The following TLN2 variants were observed in gnomAD, a reference collection of about 807,000 sequenced individuals.
TLN2 encodes talin-2.
A neutral mutation model predicts 294.7 loss-of-function variants in TLN2; 118 were observed. The observed-to-expected ratio is 0.40, with a 90% CI of 0.34 to 0.47. TLN2 has a LOEUF of 0.47. Ranked by LOEUF, TLN2 falls within the 20% of genes least tolerant of loss-of-function variation. The pLI, the probability that TLN2 is intolerant of heterozygous loss-of-function variation, is 0.84. For missense variants in TLN2, 3,083 were observed against 3,282.2 expected (o/e 0.94, Z 1.48); for synonymous variants, 1,431 against 1,304.5 (o/e 1.10, Z -2.09).
chr15:62,698,506 TA>T (rs1452841377), intron 15 of TLN2, among the ~76,000 whole-genome samples: 1 of 152,200 alleles, frequency 6.6e-6, no homozygotes, highest in Non-Finnish European at 1.5e-5. Context: ...GTCAGCTAAT[TA>T]AGCTCTTCAC....
In TLN2 at chr15:62,840,548, G is replaced by T. The variant is rs1319616187; in HGVS notation, c.7567G>T (p.Ala2523Ser). Residue 2523 changes from alanine (A) to serine (S), a missense_variant, in exon 59 of 59, where the codon GCC becomes TCC. By Grantham distance (99) the Ala-to-Ser change is moderately conservative. Transcript: ENST00000636159. Reference protein sequence around the residue: ...RELEEARKKLAQIRQQQYKFL... With the variant: ...RELEEARKKLSQIRQQQYKFL... ...ACTGGAAGAAGCAAGGAAAAAACTG[G>T]CCCAAATCCGCCAGCAGCAGTATAA... 6.2e-7 allele frequency: 1 copy of T among 1,614,162 alleles called. No homozygotes were observed.
chr15:62,660,805 C>T (rs928130862), intron 9 of TLN2, among the ~76,000 whole-genome samples: 5 of 152,148 alleles, frequency 3.3e-5, no homozygotes, highest in Admixed American at 6.5e-5. Flanking sequence ...ATATTATATA[C>T]TAATTCCTTG....
intron 2 of TLN2, among the ~76,000 whole-genome samples, chr15:62,607,605 A>C (rs564026641): frequency 6.6e-6 from 1 of 152,330 alleles, no homozygotes; most frequent in Admixed American, 6.5e-5. Context: ...CCCTCCTTTC[A>C]AACTGTCATG....
At chr15:62,564,917 A>ATATAT (rs1262371986) in intron 1 of TLN2, among the ~76,000 whole-genome samples, 93 of 124,674 alleles carry the variant, frequency 7.5e-4, no homozygotes, top group African/African-American at 2.6e-3. Flanking sequence ...AAAAAAAAAA[A>ATATAT]AAAAAAAAAT....
At chr15:62,442,080 T>C (rs2035574473) in intron 1 of TLN2, among the ~76,000 whole-genome samples, 1 of 152,144 alleles carries the variant, frequency 6.6e-6, no homozygotes, top group Admixed American at 6.5e-5. Context: ...ATGGGAACCC[T>C]GATGTATAGC....
intron 6 of TLN2, 129 bp from the exon 7 acceptor site, chr15:62,653,033 C>G: frequency 1.5e-6 from 1 of 660,136 alleles, no homozygotes; most frequent in Non-Finnish European, 2.4e-6. Flanking sequence ...CCTCCCTGAC[C>G]CTCATATTTG....
intron 25 of TLN2, among the ~76,000 whole-genome samples, chr15:62,720,547 T>C (rs2140914450): frequency 6.6e-6 from 1 of 152,306 alleles, no homozygotes; most frequent in Non-Finnish European, 1.5e-5. Flanking sequence ...GATACATCTA[T>C]TTGGTTCATT....
Position 62,763,607 on chromosome 15 carries a change from G to C in TLN2, c.5006G>C (p.Gly1669Ala). 2.5e-6 allele frequency: 4 copies of C among 1,613,700 alleles called. No homozygotes were observed. The highest frequency in any genetic ancestry group is 3.4e-6 in the Non-Finnish European group (4 of 1,179,890). Reference sequence around the variant, plus strand: ...AGGGAGTGTGATTACTCCATCGATGGCATCAACCGGTGCATCCGGGACATC... The same window carrying C: ...AGGGAGTGTGATTACTCCATCGATGCCATCAACCGGTGCATCCGGGACATC... Reference protein sequence around the residue: ...GQRECDYSIDGINRCIRDIEQ... With the variant: ...GQRECDYSIDAINRCIRDIEQ... Residue 1669 changes from glycine (G) to alanine (A), a missense_variant, in exon 40 of 59, where the codon GGC (glycine) becomes GCC (alanine). By Grantham distance (60) the Gly-to-Ala change is moderately conservative. Transcript: ENST00000636159.
chr15:62,481,243 AG>A (rs1160724439), intron 1 of TLN2, among the ~76,000 whole-genome samples: 3 of 151,740 alleles, frequency 2.0e-5, no homozygotes, highest in Admixed American at 1.3e-4. Flanking sequence ...TCTTGCTGAG[AG>A]AGTCTCACCT....
intron 1 of TLN2, among the ~76,000 whole-genome samples, chr15:62,436,750 G>A (rs1385279772): frequency 6.6e-6 from 1 of 152,144 alleles, no homozygotes; most frequent in African/African-American, 2.4e-5. Flanking sequence ...TAGAGGCAGG[G>A]TCTCACTCTG....
At chr15:62,394,081 GAT>G (rs1055243087) in intron 1 of TLN2, among the ~76,000 whole-genome samples, 1 of 152,136 alleles carries the variant, frequency 6.6e-6, no homozygotes, top group African/African-American at 2.4e-5. Context: ...TGGCCAACCT[GAT>G]TCTTAATCAT....
At chr15:62,811,652 A>G (rs2066688595) in intron 52 of TLN2, among the ~76,000 whole-genome samples, 1 of 152,180 alleles carries the variant, frequency 6.6e-6, no homozygotes, top group Admixed American at 6.5e-5. Context: ...CAGGCAGTTT[A>G]TTAAGGATGA....
chr15:62,753,805 C>T lies in TLN2; in HGVS notation c.4365C>T (p.Asn1455=). 1.8e-5 allele frequency: 29 copies of T among 1,611,690 alleles called. No individual in the cohort carries two copies. The highest frequency in any genetic ancestry group is 2.5e-5 in the Non-Finnish European group (29 of 1,178,942). Residue 1455 remains asparagine (N), a synonymous_variant, in exon 36 of 59, where the codon AAC becomes AAT. Coordinates refer to ENST00000636159, the MANE Select transcript of TLN2 (RefSeq NM_015059.3). ...AAYLVGISDP[N]SQAGHQGLVD... is the part of the protein sequence containing the mutation. The stretch of plus-strand genomic sequence containing the variant: ...ACTTGGTTGGCATCTCTGATCCAAA[C>T]AGCCAGGCAGGCCACCAGGGCCTGG...
intron 1 of TLN2, among the ~76,000 whole-genome samples, chr15:62,559,398 C>G (rs1161687814): frequency 6.6e-6 from 1 of 152,126 alleles, no homozygotes; most frequent in African/African-American, 2.4e-5. Context: ...TCAATGTTGT[C>G]CCCAATGTTC....
chr15:62,395,420 T>C (rs1197023390), intron 1 of TLN2, among the ~76,000 whole-genome samples: 1 of 152,144 alleles, frequency 6.6e-6, no homozygotes, highest in African/African-American at 2.4e-5. Flanking sequence ...TCCATACAAT[T>C]GATACATCTT....
chr15:62,542,719 T>C (rs1264196358), intron 1 of TLN2, among the ~76,000 whole-genome samples: 1 of 152,098 alleles, frequency 6.6e-6, no homozygotes, highest in Non-Finnish European at 1.5e-5. Context: ...AGGGATCTGA[T>C]CCCTTGTCCT....
chr15:62,707,232 C>T lies in TLN2; in HGVS notation c.2151C>T (p.Ser717=), dbSNP rs2059128520. 6.2e-7 allele frequency: 1 copy of T among 1,612,462 alleles called. No homozygotes were observed. Among genetic ancestry groups the T allele is most frequent in the Non-Finnish European group, 8.5e-7 (1 of 1,178,872 alleles). The part of the protein sequence containing the change: ...AAATQCALST[S]QLVACAKVVS... ...CCACCCAGTGTGCCCTCTCCACCTC[C>T]CAGCTTGTGGCATGTGCCAAGGTAA... The change falls in exon 20 of 59, where the codon TCC becomes TCT. Residue 717 remains serine, a synonymous_variant. Coordinates refer to ENST00000636159, the MANE Select transcript of TLN2 (RefSeq NM_015059.3).
intron 52 of TLN2, among the ~76,000 whole-genome samples, chr15:62,812,359 A>G (rs1294826602): frequency 1.3e-5 from 2 of 152,188 alleles, no homozygotes; most frequent in Non-Finnish European, 2.9e-5. Flanking sequence ...CAGGCCCTGC[A>G]CACATGGGCC....
chr15:62,450,554 TGTGTG>T, intron 1 of TLN2, among the ~76,000 whole-genome samples: 1 of 22,594 alleles, frequency 4.4e-5, no homozygotes, highest in South Asian at 2.6e-3. Context: ...TGTATGTGTG[TGTGTG>T]TGTGTGTGTG....
Sources: allele counts gnomAD v4.1 joint callset (sites outside exome capture counted in the v4.1 genomes callset), GRCh38; gene constraint gnomAD v4.1.1; transcripts MANE v1.5; gene names NCBI Gene and HGNC (gene_info 2026-07-23, HGNC 2026-07-21).